The following SLC12A9 variants were observed in gnomAD, a reference collection of about 807,000 sequenced individuals.
SLC12A9 encodes the protein CCC-interacting protein 1.
A neutral mutation model predicts 66.0 loss-of-function variants in SLC12A9; 55 were observed. That is an observed-to-expected ratio of 0.83 (90% confidence interval 0.67 to 1.04). SLC12A9 has a LOEUF of 1.04. SLC12A9 is among the 50% of genes least tolerant of loss of function. The pLI is 0.00. For synonymous variants in SLC12A9, 577 were observed against 569.0 expected (o/e 1.01, Z -0.20); for missense variants, 1,061 against 1,241.9 (o/e 0.85, Z 2.19).
intron 1 of SLC12A9, chr7:100,837,421 G>T (rs1813683159): frequency 6.6e-6 from 1 of 152,240 alleles, no homozygotes; most frequent in African/African-American, 2.4e-5. Flanking sequence ...AAAAAGCGGC[G>T]GTGTGGACGC....
intron 1 of SLC12A9, among the ~76,000 whole-genome samples, chr7:100,841,973 G>A (rs1813800236): frequency 6.6e-6 from 1 of 151,930 alleles, no homozygotes; most frequent in Admixed American, 6.6e-5. Context: ...AAGTCTTTTA[G>A]CACATGTACC....
chr7:100,859,100 G>A lies in SLC12A9; in HGVS notation c.916G>A (p.Val306Ile), dbSNP rs760730106. 87 of 1,613,896 alleles carry A rather than the reference G, an allele frequency of 5.4e-5. 1 individual carries two copies. The highest frequency in any genetic ancestry group is 5.4e-4 in the South Asian group (49 of 91,086). Reference protein sequence around the residue: ...RAIPLGTIVAVAYTFFVYVLL... With the variant: ...RAIPLGTIVAIAYTFFVYVLL... ...GATCCCTCTGGGCACGATCGTCGCC[G>A]TCGCCTACACCTTCTTCGTCTATGT... The change falls in exon 7 of 14, where the codon GTC becomes ATC. Residue 306 changes from valine to isoleucine, a missense_variant. Coordinates refer to ENST00000354161, the MANE Select transcript of SLC12A9 (RefSeq NM_020246.4).
At chr7:100,849,159 T>C (rs1814000349), upstream of SLC12A9, among the ~76,000 whole-genome samples, 1 of 151,718 alleles carries the variant, frequency 6.6e-6, no homozygotes, top group South Asian at 2.1e-4. Flanking sequence ...ACTCCTGACC[T>C]CAAGTGATCC....
intron 8 of SLC12A9, 47 bp from the exon 9 acceptor site, chr7:100,860,103 C>G: frequency 1.2e-6 from 2 of 1,614,172 alleles, no homozygotes; most frequent in East Asian, 2.2e-5. Context: ...CTCTCCGTCC[C>G]CGCTGAGCCC....
At chr7:100,857,922 A>C (rs1372991259) in intron 5 of SLC12A9, 1 of 152,152 alleles carries the variant, frequency 6.6e-6, no homozygotes, top group Non-Finnish European at 1.5e-5. Flanking sequence ...CCCTCTCCAA[A>C]AAACAAACAA....
chr7:100,842,967 T>C (rs2116531849), intron 1 of SLC12A9, among the ~76,000 whole-genome samples: 1 of 152,382 alleles, frequency 6.6e-6, no homozygotes, highest in East Asian at 1.9e-4. Flanking sequence ...AACACTAAGT[T>C]CACTTCGTAT....
rs1815109968 is a variant in SLC12A9 at position 100,866,517 on chromosome 7, A to G, written c.2657A>G (p.Tyr886Cys). The part of the protein sequence containing the change: ...PPADPARYPR[Y>C]LALLETLTRD... ...GCCGATCCCGCCCGATACCCCCGCT[A>G]CCTGGCGCTACTGGAGACTCTAACC... The change falls in exon 14 of 14, where the codon TAC becomes TGC. Residue 886 changes from tyrosine (Y) to cysteine (C), a missense_variant. Coordinates refer to ENST00000354161, the MANE Select transcript of SLC12A9 (RefSeq NM_020246.4). The surrounding 1 kb of genome is among the most constrained non-coding windows in gnomAD (Gnocchi z 7.3). The G allele has an allele frequency of 6.4e-7, 1 of 1,572,298 alleles. No individual in the cohort carries two copies. The highest frequency in any genetic ancestry group is 1.3e-5 in the African/African-American group (1 of 74,244).
chr7:100,865,927 C>T lies in SLC12A9; in HGVS notation c.2067C>T (p.Asp689=), dbSNP rs34803625. The change falls in exon 14 of 14, where the codon GAC becomes GAT. Residue 689 remains aspartate, a synonymous_variant. Coordinates refer to ENST00000354161, the MANE Select transcript of SLC12A9 (RefSeq NM_020246.4). The part of the protein sequence containing the change: ...NPQDYVATVA[D]ALKMNKNVVL... ...AGGACTATGTGGCCACGGTGGCCGA[C>T]GCCCTCAAGATGAACAAGAATGTGG... The T allele has an allele frequency of 7.3e-4, 1,181 of 1,613,466 alleles. 6 individuals are homozygous for T. The African/African-American group carries it at 0.012, about 16-fold the overall frequency.
In SLC12A9 at chr7:100,859,919, G is replaced by A. The variant is rs34618899; in HGVS notation, c.1012G>A (p.Ala338Thr). The A allele has an allele frequency of 6.2e-6, 10 of 1,606,544 alleles. No individual in the cohort carries two copies. Among genetic ancestry groups the A allele is most frequent in the South Asian group, 3.3e-5 (3 of 90,976 alleles). Residue 338 changes from alanine (A) to threonine (T), a missense_variant, in exon 8 of 14, where the codon GCC becomes ACC. Physicochemically the swap from Ala to Thr is moderately conservative, Grantham distance 58. Transcript: ENST00000354161. ...GCAGGAAGACTATGGGTTCTTCCGCGCCATCAGCCTGTGGCCCCCACTGGT... is the reference window on the plus strand; with the variant it reads ...GCAGGAAGACTATGGGTTCTTCCGCACCATCAGCCTGTGGCCCCCACTGGT... ...LLQEDYGFFR[A>T]ISLWPPLVLI...
chr7:100,856,530 C>A, intron 4 of SLC12A9: 32 of 165,918 alleles, frequency 1.9e-4, no homozygotes, highest in Non-Finnish European at 2.6e-4. Context: ...TTTTTTTTTT[C>A]TTGAGAGAAG....
intron 1 of SLC12A9, among the ~76,000 whole-genome samples, chr7:100,837,851 A>ATTT (rs11285489): frequency 5.0e-5 from 4 of 79,654 alleles, no homozygotes; most frequent in East Asian, 4.5e-4. Flanking sequence ...ATTTATTTCA[A>ATTT]TTTTTTTTTT....
chr7:100,838,291 TG>T (rs1813710057), intron 1 of SLC12A9, among the ~76,000 whole-genome samples: 1 of 152,184 alleles, frequency 6.6e-6, no homozygotes, highest in African/African-American at 2.4e-5. Context: ...CCCAGCCATG[TG>T]GTTCAATTTT....
Position 100,866,524 on chromosome 7 carries a change from G to A in SLC12A9, c.2664G>A (p.Ala888=), listed in dbSNP as rs772162491. Residue 888 remains alanine, a synonymous_variant, in exon 14 of 14, where the codon GCG becomes GCA. Coordinates refer to ENST00000354161, the MANE Select transcript of SLC12A9 (RefSeq NM_020246.4). This position sits in a 1 kb window ranked among gnomAD's most constrained non-coding sequence, Gnocchi z 7.3. ...CCGCCCGATACCCCCGCTACCTGGCGCTACTGGAGACTCTAACCCGAGACC... is the reference window on the plus strand; with the variant it reads ...CCGCCCGATACCCCCGCTACCTGGCACTACTGGAGACTCTAACCCGAGACC... ...ADPARYPRYL[A]LLETLTRDLG... is the part of the protein sequence containing the mutation. The A allele has an allele frequency of 1.5e-5, 24 of 1,576,602 alleles. No individual in the cohort carries two copies. Among genetic ancestry groups the A allele is most frequent in the African/African-American group, 4.0e-5 (3 of 74,388 alleles).
intron 1 of SLC12A9, among the ~76,000 whole-genome samples, chr7:100,835,077 C>T (rs771656173): frequency 4.6e-5 from 7 of 151,904 alleles, no homozygotes; most frequent in Non-Finnish European, 7.4e-5. Context: ...TGTGATTGGC[C>T]GGGTGCAGTG....
At chr7:100,856,373 A>G (rs914333316) in intron 4 of SLC12A9, 1 of 160,572 alleles carries the variant, frequency 6.2e-6, no homozygotes, top group Admixed American at 5.9e-5. Context: ...ACGCCTGGCT[A>G]ATGTTTGTAT....
At chr7:100,833,824 TTGGGAGGC>T (rs1326774930) in intron 1 of SLC12A9, among the ~76,000 whole-genome samples, 10 of 149,878 alleles carry the variant, frequency 6.7e-5, no homozygotes, top group Non-Finnish European at 1.5e-4. Context: ...TCCCAGCTAC[TTGGGAGGC>T]TGAGGCAGGA....
At position 100,858,884 on chromosome 7, in the gene SLC12A9, C is replaced by T. The variant is rs78261122; in HGVS notation, c.807C>T (p.Ser269=). ...CGGGAGCCGTGATGAATTTTGCCAG[C>T]GTCTTTGCTGTCCTCTTTAACGGCT... ...YTTGAVMNFA[S]VFAVLFNGCT... The change falls in exon 6 of 14, where the codon AGC becomes AGT. Residue 269 remains serine, a synonymous_variant. Transcript: ENST00000354161. 1,813 of 1,614,192 alleles carry T rather than the reference C, an allele frequency of 1.1e-3. 17 individuals carry two copies. The African/African-American group carries it at 0.022, about 20-fold the overall frequency.
chr7:100,860,977 C>A lies in SLC12A9; in HGVS notation c.1219-161C>A. The A allele has an allele frequency of 7.0e-6, 9 of 1,291,600 alleles. No homozygotes were observed. In the Admixed American group the frequency reaches 1.3e-4, roughly 19 times the overall value. 80.0% of individuals were successfully genotyped at this position (1,291,600 alleles called of 1,614,324 possible). On this transcript the variant is annotated intron_variant, in intron 9 of 13. Transcript: ENST00000354161. ...GGGGTTTAATAGCATTTTGGGGGTT[C>A]ATTGACACTTTGGGGGTGCACTGGC...
rs751966645 is a variant in SLC12A9, at chr7:100,865,868, C to G, written c.2008C>G (p.Arg670Gly). 1 of 1,613,704 alleles carries G rather than the reference C, an allele frequency of 6.2e-7. No individual in the cohort carries two copies. Among genetic ancestry groups the G allele is most frequent in the Non-Finnish European group, 8.5e-7 (1 of 1,179,996 alleles). ...TCTGAGCACCCTGTTCCCTCCTCCC[C>G]GGGCTCCTGGGAGCCCCCGGGCCCT... Reference protein sequence around the residue: ...PALSTLFPPPRAPGSPRALNP... With the variant: ...PALSTLFPPPGAPGSPRALNP... Residue 670 changes from arginine (R) to glycine (G), a missense_variant, in exon 14 of 14, where the codon CGG becomes GGG. By Grantham distance (125) the Arg-to-Gly change is moderately radical. Coordinates refer to ENST00000354161, the MANE Select transcript of SLC12A9 (RefSeq NM_020246.4).
Sources: gnomAD v4.1 joint callset for allele counts (sites outside exome capture counted in the v4.1 genomes callset) on GRCh38, gnomAD v4.1.1 for gene constraint, Gnocchi (gnomAD v3.1) non-coding constraint, MANE v1.5 for transcripts, NCBI Gene and HGNC (gene_info 2026-07-23, HGNC 2026-07-21) for gene names.